Variants in MKLN1 observed in about 807,000 individuals in gnomAD.
The protein encoded by MKLN1 is muskelin.
In MKLN1, 18 loss-of-function variants were observed where a neutral mutation model predicts 99.0. The observed-to-expected ratio is 0.18, with a 90% CI of 0.13 to 0.27. The LOEUF (loss-of-function observed/expected upper bound fraction) is 0.27, where lower values mean the gene tolerates loss of function less well. MKLN1 is among the 10% of genes least tolerant of loss of function. The pLI is 1.00. For synonymous variants in MKLN1, 288 were observed against 293.2 expected (o/e 0.98, Z 0.18); for missense variants, 621 against 875.9 (o/e 0.71, Z 3.67).
chr7:131,380,966 G>A (rs1793830394), intron 2 of MKLN1, among the ~76,000 whole-genome samples: 1 of 152,126 alleles, frequency 6.6e-6, no homozygotes, highest in Non-Finnish European at 1.5e-5. Flanking sequence ...ACAGGGTTAG[G>A]TTCCTGTGAG....
At chr7:131,409,562 C>T (rs187885190) in intron 6 of MKLN1, among the ~76,000 whole-genome samples, 18 of 152,138 alleles carry the variant, frequency 1.2e-4, no homozygotes, top group African/African-American at 3.6e-4. Context: ...GTCTTGAAAG[C>T]GAAAGGGTTG....
intron 2 of MKLN1, among the ~76,000 whole-genome samples, chr7:131,160,490 TTAATTATTA>T (rs1271507090): frequency 9.6e-5 from 11 of 114,756 alleles, no homozygotes; most frequent in South Asian, 3.0e-4. Context: ...ATTATTATTA[TTAATTATTA>T]TTATTATTAT....
intron 3 of MKLN1, among the ~76,000 whole-genome samples, chr7:131,237,912 C>T (rs925033270): frequency 4.6e-5 from 7 of 151,998 alleles, no homozygotes; most frequent in Admixed American, 2.6e-4. Context: ...TTTGGGAGGC[C>T]GAGGCAGGTG....
chr7:131,320,035 A>G (rs1316155261), intron 3 of MKLN1, among the ~76,000 whole-genome samples: 4 of 152,246 alleles, frequency 2.6e-5, no homozygotes, highest in Non-Finnish European at 5.9e-5. Flanking sequence ...TGCTACTCCC[A>G]TTAAGCTACC....
At chr7:131,153,371 A>G (rs906560471) in intron 2 of MKLN1, among the ~76,000 whole-genome samples, 1 of 152,096 alleles carries the variant, frequency 6.6e-6, no homozygotes, top group Admixed American at 6.6e-5. Flanking sequence ...AGCATCTTCA[A>G]ATTGGTTCCT....
chr7:131,400,934 C>A (rs941904903), intron 6 of MKLN1, among the ~76,000 whole-genome samples: 2 of 152,066 alleles, frequency 1.3e-5, no homozygotes, highest in African/African-American at 2.4e-5. Context: ...TCTAAACTGG[C>A]CTGGAACACT....
intron 1 of MKLN1, among the ~76,000 whole-genome samples, chr7:131,348,288 G>C (rs999137303): frequency 6.6e-6 from 1 of 151,984 alleles, no homozygotes; most frequent in Non-Finnish European, 1.5e-5. Flanking sequence ...AATTTTATGC[G>C]AACAGATATA....
intron 3 of MKLN1, among the ~76,000 whole-genome samples, chr7:131,208,294 C>T (rs949084072): frequency 5.9e-5 from 9 of 152,164 alleles, no homozygotes; most frequent in African/African-American, 2.2e-4. Flanking sequence ...AAGAATTTTG[C>T]TCTATAAAGA....
intron 3 of MKLN1, among the ~76,000 whole-genome samples, chr7:131,302,938 C>T (rs538927165): frequency 5.3e-5 from 8 of 152,202 alleles, no homozygotes; most frequent in African/African-American, 1.9e-4. Flanking sequence ...CAATCTGTAT[C>T]GTTTGTGTGG....
chr7:131,379,583 A>G (rs1321573509), intron 2 of MKLN1, among the ~76,000 whole-genome samples: 1 of 152,220 alleles, frequency 6.6e-6, no homozygotes, highest in Admixed American at 6.5e-5. Flanking sequence ...AATATTTTTG[A>G]AGGTAGTATA....
chr7:131,313,313 T>C (rs1262932206), intron 3 of MKLN1, among the ~76,000 whole-genome samples: 1 of 152,206 alleles, frequency 6.6e-6, no homozygotes, highest in Admixed American at 6.5e-5. Context: ...GTATACATGG[T>C]ACACATAAAT....
chr7:131,362,097 C>T (rs537846022), intron 1 of MKLN1, among the ~76,000 whole-genome samples: 2 of 152,010 alleles, frequency 1.3e-5, no homozygotes, highest in South Asian at 2.1e-4. Context: ...ACTTGATTTT[C>T]TTAAAATTTT....
intron 2 of MKLN1, among the ~76,000 whole-genome samples, chr7:131,173,219 G>A (rs891014358): frequency 2.6e-5 from 4 of 151,416 alleles, no homozygotes; most frequent in South Asian, 2.1e-4. Context: ...TGGGAGTGAC[G>A]AAGTACCTGA....
intron 8 of MKLN1, among the ~76,000 whole-genome samples, chr7:131,417,780 T>C (rs1795064156): frequency 6.6e-6 from 1 of 152,204 alleles, no homozygotes; most frequent in Non-Finnish European, 1.5e-5. Flanking sequence ...AATTTATCAT[T>C]CACTATAGAG....
intron 1 of MKLN1, among the ~76,000 whole-genome samples, chr7:131,342,865 A>G (rs1799447863): frequency 1.3e-5 from 2 of 152,228 alleles, no homozygotes; most frequent in Admixed American, 6.5e-5. Flanking sequence ...TTATTGCTAT[A>G]TAGTGGTATT....
At chr7:131,194,971 T>C (rs572441428) in intron 2 of MKLN1, among the ~76,000 whole-genome samples, 1 of 152,310 alleles carries the variant, frequency 6.6e-6, no homozygotes, top group Middle Eastern at 3.4e-3. Context: ...TTTGTTCTGG[T>C]AAGCATGTGA....
At chr7:131,258,398 C>T (rs1044654321) in intron 3 of MKLN1, among the ~76,000 whole-genome samples, 7 of 83,944 alleles carry the variant, frequency 8.3e-5, no homozygotes, top group South Asian at 3.1e-4. Flanking sequence ...AACAGAGACA[C>T]AGAGATGGAA....
intron 6 of MKLN1, among the ~76,000 whole-genome samples, chr7:131,402,421 A>C (rs1363566024): frequency 4.6e-5 from 7 of 152,152 alleles, no homozygotes; most frequent in African/African-American, 1.7e-4. Context: ...CACATCATCC[A>C]TGAGCATTGG....
chr7:131,374,732 T>C (rs1323221333), intron 1 of MKLN1, among the ~76,000 whole-genome samples: 1 of 152,090 alleles, frequency 6.6e-6, no homozygotes, highest in East Asian at 1.9e-4. Context: ...GTTCTGCTTT[T>C]GATGGTATGC....
Sources: gnomAD v4.1 joint callset for allele counts (sites outside exome capture counted in the v4.1 genomes callset) on GRCh38, gnomAD v4.1.1 for gene constraint, MANE v1.5 for transcripts, NCBI Gene and HGNC (gene_info 2026-07-23, HGNC 2026-07-21) for gene names.